Variants in N4BP2L2 observed in about 807,000 individuals in gnomAD.
N4BP2L2 encodes the protein NEDD4 binding protein 2 like 2.
In N4BP2L2, 50 loss-of-function variants were observed where a neutral mutation model predicts 56.2. The ratio of observed to expected loss-of-function variants is 0.89; its 90% CI spans 0.71 to 1.13. The LOEUF (loss-of-function observed/expected upper bound fraction) is 1.13, where lower values mean the gene tolerates loss of function less well. N4BP2L2 is among the 50% of genes most tolerant of loss of function. The pLI, the probability that N4BP2L2 is intolerant of heterozygous loss-of-function variation, is 0.00. For synonymous variants in N4BP2L2, 203 were observed against 223.6 expected, an observed-to-expected ratio of 0.91 and a Z score of 0.82; for missense variants, 689 against 693.8, an observed-to-expected ratio of 0.99 and a Z score of 0.08.
chr13:32,532,593 T>C (rs1014261982), intron 2 of N4BP2L2, among the ~76,000 whole-genome samples: 2 of 146,644 alleles, frequency 1.4e-5, no homozygotes, highest in Admixed American at 1.3e-4. Flanking sequence ...CTTTTTTCTT[T>C]TTTTTTTTTT....
At chr13:32,441,810 G>A (rs1183975247) in intron 7 of N4BP2L2, among the ~76,000 whole-genome samples, 4 of 150,146 alleles carry the variant, frequency 2.7e-5, no homozygotes, top group East Asian at 1.9e-4. Flanking sequence ...TTGGGAGGCC[G>A]AGGCGGGCGG....
At chr13:32,488,667 T>C (rs2086420725) in intron 6 of N4BP2L2, among the ~76,000 whole-genome samples, 1 of 152,248 alleles carries the variant, frequency 6.6e-6, no homozygotes, top group Non-Finnish European at 1.5e-5. Flanking sequence ...TATACATGTT[T>C]AGAAAGACAG....
intron 6 of N4BP2L2, among the ~76,000 whole-genome samples, chr13:32,494,208 G>C (rs1197457417): frequency 6.6e-6 from 1 of 152,042 alleles, no homozygotes; most frequent in Non-Finnish European, 1.5e-5. Flanking sequence ...TCTTGAACCT[G>C]GGAGGCGGAG....
intron 6 of N4BP2L2, among the ~76,000 whole-genome samples, chr13:32,470,631 C>T (rs1350023122): frequency 2.6e-5 from 4 of 152,214 alleles, no homozygotes; most frequent in Admixed American, 2.0e-4. Context: ...TGCTTCCCTT[C>T]AGGCTAATGA....
intron 6 of N4BP2L2, chr13:32,478,124 C>T (rs1180811010): frequency 6.9e-6 from 8 of 1,159,064 alleles, no homozygotes; most frequent in African/African-American, 1.6e-5. Flanking sequence ...AAGTAAATAA[C>T]GTCTACGCCA....
upstream of N4BP2L2, chr13:32,538,838 C>G (rs758400593): frequency 2.2e-5 from 22 of 985,348 alleles, no homozygotes; most frequent in Non-Finnish European, 2.4e-5. Context: ...GCGTTTGCGC[C>G]AGGCATTGTG....
intron 6 of N4BP2L2, chr13:32,504,389 T>C (rs1296985517): frequency 6.6e-6 from 1 of 152,274 alleles, no homozygotes; most frequent in African/African-American, 2.4e-5. Flanking sequence ...AGTTTGTAGA[T>C]GGCCTTCTTT....
chr13:32,503,673 CA>C (rs959364225), intron 6 of N4BP2L2, among the ~76,000 whole-genome samples: 2 of 152,190 alleles, frequency 1.3e-5, no homozygotes, highest in African/African-American at 4.8e-5. Context: ...CATTAATTCA[CA>C]CAATCAACTT....
At chr13:32,521,035 A>G (rs879655889) in intron 5 of N4BP2L2, among the ~76,000 whole-genome samples, 3 of 152,244 alleles carry the variant, frequency 2.0e-5, no homozygotes, top group Non-Finnish European at 4.4e-5. Flanking sequence ...TATATGCACT[A>G]TATTACCTTT....
intron 6 of N4BP2L2, among the ~76,000 whole-genome samples, chr13:32,467,752 G>C (rs2081493672): frequency 6.6e-6 from 1 of 151,266 alleles, no homozygotes; most frequent in Non-Finnish European, 1.5e-5. Flanking sequence ...ACTTTGGGAG[G>C]CCAAGGCTGG....
intron 6 of N4BP2L2, among the ~76,000 whole-genome samples, chr13:32,464,218 A>G (rs561516057): frequency 4.3e-4 from 65 of 152,344 alleles, no homozygotes; most frequent in Admixed American, 9.1e-4. Context: ...ACAGAGATAT[A>G]TGAGAAAAGT....
Position 32,501,769 on chromosome 13 carries a change from C to T in N4BP2L2, c.365+16088G>A, listed in dbSNP as rs145419801. The stretch of plus-strand genomic sequence containing the variant: ...GGCGGAGCTTGCATTGAGCCGAGAT[C>T]GCGCCACTGCACTCCAGCTTGGGAG... On this transcript the variant is annotated intron_variant, in intron 6 of 9. Coordinates refer to the N4BP2L2 transcript ENST00000357505. Among the ~76,000 whole-genome samples, 298 of 151,846 alleles carry T rather than the reference C, an allele frequency of 2.0e-3. 3 individuals are homozygous for T. Among genetic ancestry groups the T allele is most frequent in the African/African-American group, 6.9e-3 (284 of 41,426 alleles).
chr13:32,501,336 G>A (rs915179136), intron 6 of N4BP2L2, among the ~76,000 whole-genome samples: 6 of 152,100 alleles, frequency 3.9e-5, no homozygotes, highest in Admixed American at 6.5e-5. Context: ...ATAATGTTAC[G>A]TATGAGAAAC....
chr13:32,467,350 T>C (rs1031343982), intron 6 of N4BP2L2, among the ~76,000 whole-genome samples: 4 of 151,890 alleles, frequency 2.6e-5, no homozygotes, highest in Non-Finnish European at 5.9e-5. Context: ...CTCCGTCTCC[T>C]GGGTTCAAGT....
At chr13:32,536,064 A>T (rs781153522) in exon 2 of N4BP2L2, 8 of 1,614,074 alleles carry the variant, frequency 5.0e-6, no homozygotes, top group Non-Finnish European at 6.8e-6. Flanking sequence ...TTAACATGAC[A>T]ATTATTTACA....
intron 6 of N4BP2L2, among the ~76,000 whole-genome samples, chr13:32,488,117 C>T (rs904994642): frequency 6.6e-6 from 1 of 152,160 alleles, no homozygotes; most frequent in African/African-American, 2.4e-5. Flanking sequence ...TAGGCTTAAA[C>T]CCAAGTTTCT....
chr13:32,464,333 T>C lies in N4BP2L2; in HGVS notation c.366-20207A>G, dbSNP rs535231275. Among the ~76,000 whole-genome samples the C allele has an allele frequency of 2.0e-5, 3 of 152,356 alleles. No homozygotes were observed. In the East Asian group the frequency reaches 5.8e-4, roughly 29 times the overall value. On this transcript the variant is annotated intron_variant, in intron 6 of 9. Coordinates refer to the N4BP2L2 transcript ENST00000357505. The stretch of plus-strand genomic sequence containing the variant: ...CAGGTTCTCTTGCCAGCTCATTTCC[T>C]AGGTTCTACCAATAGAAATTATTGG...
At chr13:32,446,084 C>A (rs1275454659) in intron 6 of N4BP2L2, among the ~76,000 whole-genome samples, 1 of 152,186 alleles carries the variant, frequency 6.6e-6, no homozygotes, top group African/African-American at 2.4e-5. Context: ...AGTTGATTGG[C>A]TGGGCATTGG....
intron 6 of N4BP2L2, among the ~76,000 whole-genome samples, chr13:32,485,500 A>G (rs1360285731): frequency 6.6e-6 from 1 of 152,218 alleles, no homozygotes; most frequent in African/African-American, 2.4e-5. Flanking sequence ...ACAGAAATAT[A>G]CAAACTAATA....
Sources: gnomAD v4.1 joint callset for allele counts (sites outside exome capture counted in the v4.1 genomes callset) on GRCh38, gnomAD v4.1.1 for gene constraint, MANE v1.5 for transcripts, NCBI Gene and HGNC (gene_info 2026-07-23, HGNC 2026-07-21) for gene names.